Variants in VPS36 observed in about 807,000 individuals in gnomAD.
VPS36 encodes vacuolar protein-sorting-associated protein 36.
In VPS36, 31 loss-of-function variants were observed where a neutral mutation model predicts 63.5. The ratio of observed to expected loss-of-function variants is 0.49; its 90% confidence interval spans 0.37 to 0.66. The LOEUF is 0.66. Among genes scored for constraint, VPS36 ranks in the 30% least tolerant of loss-of-function variants. VPS36 has a pLI of 0.00. For synonymous variants in VPS36, 138 were observed against 157.2 expected (o/e 0.88, Z 0.91); for missense variants, 338 against 463.7 (o/e 0.73, Z 2.49).
intron 6 of VPS36, among the ~76,000 whole-genome samples, chr13:52,427,561 C>G (rs903207908): frequency 1.3e-5 from 2 of 151,586 alleles, no homozygotes; most frequent in Non-Finnish European, 2.9e-5. Context: ...GAGCCGAGAT[C>G]GCGCCACTGC....
At chr13:52,429,330 C>T in intron 6 of VPS36, 1 of 982,438 alleles carries the variant, frequency 1.0e-6, no homozygotes, top group Non-Finnish European at 1.2e-6. Flanking sequence ...TATTCCATTC[C>T]CTTTTCCTGG....
chr13:52,443,118 C>A (rs1435628289), intron 1 of VPS36, among the ~76,000 whole-genome samples: 1 of 151,912 alleles, frequency 6.6e-6, no homozygotes, highest in Non-Finnish European at 1.5e-5. Flanking sequence ...AAAAGAAAAA[C>A]CCACACATCT....
rs536078082 is a variant in VPS36 at position 52,445,923 on chromosome 13, G to GAGAAA, written c.97-3483_97-3479dup. Among the ~76,000 whole-genome samples, 761 of 95,452 alleles carry GAGAAA rather than the reference G, an allele frequency of 8.0e-3. 14 individuals carry two copies. Among genetic ancestry groups the GAGAAA allele is most frequent in the African/African-American group, 0.019 (474 of 24,396 alleles). The allele number at this position is 95,452 out of a possible 152,430, so 62.6% of individuals were successfully genotyped here. ...CCACTGCACTCCAGCCTGGGCGACA[G>GAGAAA]AGAAAGACTCTATCTCAAAAAAAAA... On this transcript the variant is annotated intron_variant, in intron 1 of 13. Transcript: ENST00000378060.
intron 1 of VPS36, among the ~76,000 whole-genome samples, chr13:52,444,706 A>AAT (rs1262018738): frequency 3.3e-5 from 5 of 151,700 alleles, no homozygotes; most frequent in Admixed American, 3.3e-4. Context: ...CAGGTCTCAA[A>AAT]ATATATATAG....
At chr13:52,428,585 A>G (rs1403442007) in intron 6 of VPS36, among the ~76,000 whole-genome samples, 2 of 152,216 alleles carry the variant, frequency 1.3e-5, no homozygotes, top group African/African-American at 4.8e-5. Flanking sequence ...GATGCAGGAA[A>G]CCCTTTGTGA....
chr13:52,430,631 C>CAAA (rs572367104), intron 6 of VPS36, among the ~76,000 whole-genome samples: 1 of 123,606 alleles, frequency 8.1e-6, no homozygotes, highest in South Asian at 2.6e-4. Flanking sequence ...GACTCCATCT[C>CAAA]AAAAAAAAAA....
intron 3 of VPS36, among the ~76,000 whole-genome samples, chr13:52,437,657 G>A (rs775542995): frequency 2.0e-5 from 3 of 152,118 alleles, no homozygotes; most frequent in Non-Finnish European, 2.9e-5. Flanking sequence ...AAAGCCGGGC[G>A]CGGTGGCTCA....
At chr13:52,445,139 A>G (rs1187365242) in intron 1 of VPS36, among the ~76,000 whole-genome samples, 1 of 152,230 alleles carries the variant, frequency 6.6e-6, no homozygotes, top group African/African-American at 2.4e-5. Context: ...AACATGTCAG[A>G]GAATAGACCT....
At chr13:52,425,844 G>A in intron 9 of VPS36, 88 bp downstream of exon 9, 1 of 1,342,828 alleles carries the variant, frequency 7.4e-7, no homozygotes, top group Non-Finnish European at 9.9e-7. Flanking sequence ...ACCATATCAT[G>A]AAAATAGTTA....
chr13:52,433,487 G>C (rs985236089), intron 6 of VPS36, among the ~76,000 whole-genome samples, 175 bp downstream of exon 6: 1 of 152,138 alleles, frequency 6.6e-6, no homozygotes, highest in Non-Finnish European at 1.5e-5. Flanking sequence ...TTTAGAAAAA[G>C]GTTTTGGTTA....
At chr13:52,424,046 G>C (rs1002141583) in intron 9 of VPS36, among the ~76,000 whole-genome samples, 52 of 151,956 alleles carry the variant, frequency 3.4e-4, no homozygotes, top group African/African-American at 1.2e-3. Context: ...TTTTAGTAGG[G>C]ACAGGGTTTC....
chr13:52,445,344 G>A (rs1958326267), intron 1 of VPS36, among the ~76,000 whole-genome samples: 1 of 152,174 alleles, frequency 6.6e-6, no homozygotes, highest in African/African-American at 2.4e-5. Flanking sequence ...ATTATCTTAA[G>A]AGTACATAAT....
At chr13:52,427,320 T>G in intron 6 of VPS36, 101 bp from the exon 7 acceptor site, 4 of 1,354,858 alleles carry the variant, frequency 3.0e-6, no homozygotes, top group Non-Finnish European at 4.1e-6. Context: ...AATTTGAAAT[T>G]TTCAGCCGGG....
intron 6 of VPS36, among the ~76,000 whole-genome samples, chr13:52,428,258 G>A (rs1958123396): frequency 6.6e-6 from 1 of 152,108 alleles, no homozygotes; most frequent in Admixed American, 6.5e-5. Context: ...TACTCCCAGT[G>A]CAGAATCTTA....
chr13:52,435,742 G>GA (rs988084427), intron 4 of VPS36, among the ~76,000 whole-genome samples: 1 of 152,102 alleles, frequency 6.6e-6, no homozygotes, highest in Admixed American at 6.5e-5. Flanking sequence ...AGGTGATATA[G>GA]AAAAAAATTA....
intron 2 of VPS36, among the ~76,000 whole-genome samples, chr13:52,441,050 C>T (rs895512948): frequency 1.3e-5 from 2 of 152,024 alleles, no homozygotes; most frequent in African/African-American, 2.4e-5. Context: ...GGTGGAGCTC[C>T]GGTGGTAATG....
At chr13:52,444,545 CAT>C (rs931289821) in intron 1 of VPS36, among the ~76,000 whole-genome samples, 3 of 146,818 alleles carry the variant, frequency 2.0e-5, no homozygotes, top group South Asian at 2.1e-4. Context: ...AATACATATA[CAT>C]ATATATGTAT....
intron 6 of VPS36, among the ~76,000 whole-genome samples, chr13:52,432,577 C>T (rs1017906428): frequency 3.3e-5 from 5 of 152,078 alleles, no homozygotes; most frequent in African/African-American, 1.2e-4. Flanking sequence ...TTACCACCAC[C>T]AATGAACTAA....
At chr13:52,450,362 G>A in intron 1 of VPS36, 137 bp downstream of exon 1, 1 of 1,234,322 alleles carries the variant, frequency 8.1e-7, no homozygotes, top group African/African-American at 1.6e-5. Flanking sequence ...ACCCCGCACA[G>A]AGGCCTGCCG....
Sources: allele counts gnomAD v4.1 joint callset (sites outside exome capture counted in the v4.1 genomes callset), GRCh38; gene constraint gnomAD v4.1.1; transcripts MANE v1.5; gene names NCBI Gene and HGNC (gene_info 2026-07-23, HGNC 2026-07-21).